Variants in TTC5 observed in about 807,000 individuals in gnomAD.
The protein encoded by TTC5 is tetratricopeptide repeat protein 5.
TTC5 carries 46 observed loss-of-function variants against 57.4 expected under a neutral mutation model. The ratio of observed to expected loss-of-function variants is 0.80; its 90% CI spans 0.63 to 1.03. TTC5 has a LOEUF of 1.03. Among genes scored for constraint, TTC5 ranks in the 50% least tolerant of loss-of-function variants. The pLI is 0.00. For synonymous variants in TTC5, 190 were observed against 203.5 expected (o/e 0.93, Z 0.57); for missense variants, 504 against 528.1 (o/e 0.95, Z 0.45).
intron 8 of TTC5, chr14:20,293,230 T>C (rs571805679): frequency 6.6e-6 from 1 of 152,330 alleles, no homozygotes; most frequent in Admixed American, 6.5e-5. Context: ...TATAAGTGGA[T>C]GAGAACACAA....
In TTC5 at chr14:20,301,983, G is replaced by A. The variant is rs200752749; in HGVS notation, c.52-18C>T. On this transcript the variant is annotated intron_variant, in intron 1 of 9. Transcript: ENST00000258821. ...ACGAGTTCCTAAAAAGTATGACAAT[G>A]GAACCATTAAGTGGAAAGATCACTG... 2 of 1,613,316 alleles carry A rather than the reference G, an allele frequency of 1.2e-6. No homozygotes were observed. The highest frequency in any genetic ancestry group is 8.5e-7 in the Non-Finnish European group (1 of 1,179,602).
intron 7 of TTC5, 73 bp from the exon 8 acceptor site, chr14:20,295,599 A>C: frequency 6.4e-7 from 1 of 1,553,022 alleles, no homozygotes; most frequent in South Asian, 1.2e-5. Flanking sequence ...CTTCCCTCCC[A>C]CCCACTTCTA....
chr14:20,291,072 T>C (rs1041731045), intron 9 of TTC5, among the ~76,000 whole-genome samples: 4 of 152,206 alleles, frequency 2.6e-5, no homozygotes, highest in Non-Finnish European at 5.9e-5. Flanking sequence ...TCTTTTTTTT[T>C]TGAGGCAGAC....
At chr14:20,298,696 C>T (rs1426067917) in intron 5 of TTC5, 101 bp downstream of exon 5, 6 of 790,820 alleles carry the variant, frequency 7.6e-6, no homozygotes, top group South Asian at 5.1e-5. Flanking sequence ...CAAACACTGC[C>T]ACTGCCCATG....
rs780052880 is a variant in TTC5 at position 20,300,777 on chromosome 14, T to C, written c.226A>G (p.Lys76Glu). Residue 76 changes from lysine (K) to glutamate (E), a missense_variant, in exon 3 of 10, where the codon AAA (lysine) becomes GAA (glutamate). Transcript: ENST00000258821. ...GKAQVLMLTG[K>E]ALNVTPDYSP... is the part of the protein sequence containing the mutation. ...TAGTCAGGAGTCACATTTAGTGCTT[T>C]CCCAGTTAGCATTAGAACTTGTGCC... 1 of 1,614,114 alleles carries C rather than the reference T, an allele frequency of 6.2e-7. No homozygotes were observed. Among genetic ancestry groups the C allele is most frequent in the East Asian group, 2.2e-5 (1 of 44,882 alleles).
Position 20,301,564 on chromosome 14 carries a change from T to C in TTC5, c.184+269A>G, listed in dbSNP as rs545380119. 5.3e-5 allele frequency among the ~76,000 whole-genome samples: 8 copies of C among 152,274 alleles called. No homozygotes were observed. In the East Asian group the frequency reaches 1.4e-3, roughly 26 times the overall value. Reference sequence around the variant, plus strand: ...GGCCATGGTATTATATAAGTGGATTTGAAAGTAAAAGAAATTAGAGGCAGA... The same window carrying C: ...GGCCATGGTATTATATAAGTGGATTCGAAAGTAAAAGAAATTAGAGGCAGA... On this transcript the variant is annotated intron_variant, in intron 2 of 9. Coordinates refer to ENST00000258821, the MANE Select transcript of TTC5 (RefSeq NM_138376.3).
chr14:20,287,730 T>C lies in TTC5; in HGVS notation c.*1897A>G, dbSNP rs1056646163. The C allele has an allele frequency of 6.6e-6, 1 of 152,282 alleles. No homozygotes were observed. Among genetic ancestry groups the C allele is most frequent in the Non-Finnish European group, 1.5e-5 (1 of 68,032 alleles). 9.4% of individuals were successfully genotyped at this position (152,282 alleles called of 1,614,324 possible). ...AGAACATGTCAACTCATCTCAGAAT[T>C]TGAGTAAAAGGGGAACAGTATTTGG... On this transcript the variant is annotated 3_prime_UTR_variant, in exon 10 of 10. Coordinates refer to ENST00000258821, the MANE Select transcript of TTC5 (RefSeq NM_138376.3).
In TTC5 at chr14:20,289,323, G is replaced by C. The variant is rs1881904606; in HGVS notation, c.*304C>G. 1 of 229,488 alleles carries C rather than the reference G, an allele frequency of 4.4e-6. No homozygotes were observed. Among genetic ancestry groups the C allele is most frequent in the Middle Eastern group, 1.4e-3 (1 of 698 alleles). The allele number at this position is 229,488 out of a possible 1,614,324, so 14.2% of individuals were successfully genotyped here. A position where few individuals can be genotyped will look rare whatever the true frequency, so the allele number is the denominator to read the frequency against. On this transcript the variant is annotated 3_prime_UTR_variant, in exon 10 of 10. Coordinates refer to ENST00000258821, the MANE Select transcript of TTC5 (RefSeq NM_138376.3). ...GAAGGAGGCAACAACAGGAACCTTGGGGACTCTGTCCCATGGCAAGATCCC... is the reference window on the plus strand; with the variant it reads ...GAAGGAGGCAACAACAGGAACCTTGCGGACTCTGTCCCATGGCAAGATCCC...
At position 20,296,568 on chromosome 14, in the gene TTC5, T is replaced by C. The variant is rs555002520; in HGVS notation, c.640-122A>G. 5.0e-6 allele frequency: 4 copies of C among 793,886 alleles called. No individual in the cohort carries two copies. The East Asian group carries it at 9.9e-5, about 20-fold the overall frequency. 49.2% of individuals were successfully genotyped at this position (793,886 alleles called of 1,614,324 possible). On this transcript the variant is annotated intron_variant, in intron 5 of 9. Coordinates refer to ENST00000258821, the MANE Select transcript of TTC5 (RefSeq NM_138376.3). ...AAGTTTCTTCCTTGCCAAAATGGTA[T>C]TTATACCACAGAAGCAGTTACCGTA...
chr14:20,296,377 C>A lies in TTC5; in HGVS notation c.696+13G>T. ...TATTTGACCCTCAGATGACTACACC[C>A]CAAAGGTCTTACCGTCGCCCTGTTC... is the stretch of plus-strand genomic sequence containing the variant. On this transcript the variant is annotated intron_variant, in intron 6 of 9. Coordinates refer to ENST00000258821, the MANE Select transcript of TTC5 (RefSeq NM_138376.3). 1 of 1,609,040 alleles carries A rather than the reference C, an allele frequency of 6.2e-7. No homozygotes were observed. Among genetic ancestry groups the A allele is most frequent in the Non-Finnish European group, 8.5e-7 (1 of 1,175,318 alleles).
At chr14:20,291,916 TA>T in intron 9 of TTC5, 66 bp downstream of exon 9, 1 of 1,328,000 alleles carries the variant, frequency 7.5e-7, no homozygotes, top group Non-Finnish European at 9.8e-7. Context: ...ATATCTTTTA[TA>T]AAAAGATAAG....
chr14:20,288,568 A>T lies in TTC5; in HGVS notation c.*1059T>A, dbSNP rs1881887440. 1 of 152,260 alleles carries T rather than the reference A, an allele frequency of 6.6e-6. No homozygotes were observed. 9.4% of individuals were successfully genotyped at this position (152,260 alleles called of 1,614,324 possible). A position where few individuals can be genotyped will look rare whatever the true frequency, so the allele number is the denominator to read the frequency against. ...GTAGCTGTGATTACAGGTGCCTGCC[A>T]CCACGCCCAGCTAATTTTTGTATTT... is the stretch of plus-strand genomic sequence containing the variant. On this transcript the variant is annotated 3_prime_UTR_variant, in exon 10 of 10. Transcript: ENST00000258821.
chr14:20,291,801 G>A (rs1401292938), intron 9 of TTC5, among the ~76,000 whole-genome samples, 182 bp downstream of exon 9: 3 of 151,696 alleles, frequency 2.0e-5, no homozygotes, highest in South Asian at 2.1e-4. Flanking sequence ...CTGCTTACCA[G>A]TTTACCTTTT....
intron 3 of TTC5, among the ~76,000 whole-genome samples, 167 bp from the exon 4 acceptor site, chr14:20,299,615 G>T (rs1169285159): frequency 2.0e-5 from 3 of 152,134 alleles, no homozygotes; most frequent in African/African-American, 7.2e-5. Flanking sequence ...GTGCAATGGC[G>T]TGATCTCGGC....
intron 4 of TTC5, among the ~76,000 whole-genome samples, 172 bp downstream of exon 4, chr14:20,299,126 G>A (rs765797430): frequency 2.0e-5 from 3 of 152,172 alleles, no homozygotes; most frequent in East Asian, 1.9e-4. Context: ...TCAAAAGATC[G>A]AAGAGTTCCT....
Position 20,299,293 on chromosome 14 carries a change from C to T in TTC5, c.547+5G>A, listed in dbSNP as rs776681952. The T allele has an allele frequency of 6.2e-7, 1 of 1,612,296 alleles. No homozygotes were observed. Among genetic ancestry groups the T allele is most frequent in the South Asian group, 1.1e-5 (1 of 91,048 alleles). ...ACCTGTTGGAGATCTTTTGAGAGCA[C>T]TCACACCAGGAGCGGCCATCATGGA... On this transcript the variant is annotated splice_donor_5th_base_variant and intron_variant, in intron 4 of 9. Coordinates refer to ENST00000258821, the MANE Select transcript of TTC5 (RefSeq NM_138376.3).
chr14:20,295,589 C>A, intron 7 of TTC5, 63 bp from the exon 8 acceptor site: 1 of 1,565,772 alleles, frequency 6.4e-7, no homozygotes, highest in Admixed American at 1.8e-5. Context: ...GATTCTAATC[C>A]TTCCCTCCCA....
Position 20,291,984 on chromosome 14 carries a change from T to C in TTC5, c.1202A>G (p.Lys401Arg). 6.3e-7 allele frequency: 1 copy of C among 1,578,768 alleles called. No individual in the cohort carries two copies. The change falls in exon 9 of 10, where the codon AAG becomes AGG. Residue 401 changes from lysine (K) to arginine (R), a missense_variant and splice_region_variant. Lys to Arg is a conservative substitution (Grantham distance 26). Transcript: ENST00000258821. ...LRLHRIQHKG[K>R]DYSFSSVRVE... The stretch of plus-strand genomic sequence containing the variant: ...AAGAGAATCCTAGCCATTGCTCACC[T>C]TTCCTTTGTGCTGAATTCGGTGAAG...
At chr14:20,296,307 T>A in intron 6 of TTC5, 83 bp downstream of exon 6, 1 of 1,128,282 alleles carries the variant, frequency 8.9e-7, no homozygotes, top group Non-Finnish European at 1.4e-6. Flanking sequence ...CTTGTCCCTA[T>A]GCAAACTCAG....
Sources: allele counts gnomAD v4.1 joint callset (sites outside exome capture counted in the v4.1 genomes callset), GRCh38; gene constraint gnomAD v4.1.1; transcripts MANE v1.5; gene names NCBI Gene and HGNC (gene_info 2026-07-23, HGNC 2026-07-21).